Variants in ZMAT4 observed in about 807,000 individuals in gnomAD.
The protein encoded by ZMAT4 is zinc finger matrin-type 4, also known as zinc finger matrin-type protein 4.
ZMAT4 carries 17 observed loss-of-function variants against 28.7 expected under a neutral mutation model. The observed-to-expected ratio is 0.59, with a 90% CI of 0.41 to 0.89. The LOEUF is 0.89. Among genes scored for constraint, ZMAT4 ranks in the 40% least tolerant of loss-of-function variants. The probability of loss-of-function intolerance (pLI) is 0.00; values close to 1 mark genes in which losing one functional copy is unlikely to be tolerated. For synonymous variants in ZMAT4, 117 were observed against 109.2 expected, an observed-to-expected ratio of 1.07 and a Z score of -0.44; for missense variants, 240 against 283.8, an observed-to-expected ratio of 0.85 and a Z score of 1.11.
intron 5 of ZMAT4, among the ~76,000 whole-genome samples, chr8:40,665,826 C>A (rs898991395): frequency 6.6e-6 from 1 of 152,080 alleles, no homozygotes; most frequent in Admixed American, 6.5e-5. Flanking sequence ...AGTCACTTCA[C>A]GTCTCTGGGC....
In ZMAT4 at chr8:40,697,246, T is replaced by G. The variant is rs1370739259; in HGVS notation, c.348A>C (p.Thr116=). Residue 116 remains threonine, a splice_region_variant and synonymous_variant, in exon 4 of 7, where the codon ACA becomes ACC. Coordinates refer to ENST00000297737, the MANE Select transcript of ZMAT4 (RefSeq NM_024645.3). The part of the protein sequence containing the change: ...LLGEKTPLKT[T]ATPLSPLKPP... Reference sequence around the variant, plus strand: ...CACGATCACTGTTCCTGCACGTACCTGTGGTCTTTAATGGGGTCTTCTCTC... The same window carrying G: ...CACGATCACTGTTCCTGCACGTACCGGTGGTCTTTAATGGGGTCTTCTCTC... The G allele has an allele frequency of 6.8e-6, 11 of 1,606,940 alleles. No homozygotes were observed. Among genetic ancestry groups the G allele is most frequent in the Non-Finnish European group, 9.4e-6 (11 of 1,176,468 alleles).
chr8:40,707,695 T>C (rs967987433), intron 3 of ZMAT4, among the ~76,000 whole-genome samples: 1 of 152,194 alleles, frequency 6.6e-6, no homozygotes, highest in African/African-American at 2.4e-5. Flanking sequence ...TGTAATCAAA[T>C]GGTTTAAAAG....
At chr8:40,751,351 G>T (rs1812444847) in intron 3 of ZMAT4, among the ~76,000 whole-genome samples, 1 of 152,096 alleles carries the variant, frequency 6.6e-6, no homozygotes, top group Admixed American at 6.5e-5. Flanking sequence ...GGCAGAAGGG[G>T]AAGTAGGTGT....
At chr8:40,787,965 C>A (rs977230776) in intron 2 of ZMAT4, among the ~76,000 whole-genome samples, 1 of 151,964 alleles carries the variant, frequency 6.6e-6, no homozygotes, top group African/African-American at 2.4e-5. Context: ...ATAAATTAAT[C>A]CTCATGAAAG....
At chr8:40,808,684 G>T in intron 2 of ZMAT4, 1 of 324,208 alleles carries the variant, frequency 3.1e-6, no homozygotes, top group Admixed American at 3.8e-5. Flanking sequence ...AAGAAAGAGA[G>T]GGAAAGAGCA....
intron 1 of ZMAT4, among the ~76,000 whole-genome samples, chr8:40,846,451 G>A (rs1298598579): frequency 1.3e-5 from 2 of 152,234 alleles, no homozygotes; most frequent in South Asian, 2.1e-4. Context: ...TGAAGCTGCC[G>A]CGGAGCTGCC....
At chr8:40,801,371 T>TAC (rs1554559781) in intron 2 of ZMAT4, among the ~76,000 whole-genome samples, 15 of 144,860 alleles carry the variant, frequency 1.0e-4, no homozygotes, top group African/African-American at 2.1e-4. Context: ...TATATATATA[T>TAC]ACATATATAT....
intron 1 of ZMAT4, among the ~76,000 whole-genome samples, chr8:40,869,836 C>T (rs944162074): frequency 2.6e-5 from 4 of 152,154 alleles, no homozygotes; most frequent in African/African-American, 4.8e-5. Context: ...AGCAGGGCAC[C>T]GATCCGCCTT....
chr8:40,854,945 A>G (rs895409199), intron 1 of ZMAT4, among the ~76,000 whole-genome samples: 1 of 152,160 alleles, frequency 6.6e-6, no homozygotes, highest in Non-Finnish European at 1.5e-5. Context: ...ACACACACAC[A>G]CGCAGAAAAA....
At chr8:40,862,597 A>AAG (rs1554572633) in intron 1 of ZMAT4, among the ~76,000 whole-genome samples, 357 of 145,700 alleles carry the variant, frequency 2.5e-3, no homozygotes, top group South Asian at 4.1e-3. Flanking sequence ...AAAAAAAAAA[A>AAG]AAAGAAAATT....
chr8:40,780,760 TACC>T (rs1813793767), intron 2 of ZMAT4, among the ~76,000 whole-genome samples: 2 of 152,216 alleles, frequency 1.3e-5, no homozygotes, highest in Non-Finnish European at 2.9e-5. Context: ...TAATGTAATG[TACC>T]ACATTTATAG....
chr8:40,777,159 C>T (rs777814188), intron 2 of ZMAT4, among the ~76,000 whole-genome samples: 2 of 152,014 alleles, frequency 1.3e-5, no homozygotes, highest in African/African-American at 2.4e-5. Flanking sequence ...GGAAGGATAA[C>T]AGGGATAGCA....
intron 3 of ZMAT4, among the ~76,000 whole-genome samples, chr8:40,709,737 A>G (rs1810518905): frequency 6.6e-6 from 1 of 152,186 alleles, no homozygotes; most frequent in Non-Finnish European, 1.5e-5. Context: ...AGACATTGAT[A>G]TAAGAATTGG....
chr8:40,532,367 C>G (rs1802717671), intron 6 of ZMAT4, 129 bp from the exon 7 acceptor site: 1 of 656,140 alleles, frequency 1.5e-6, no homozygotes, highest in African/African-American at 1.9e-5. Flanking sequence ...TCAAATGCAT[C>G]TGAATTTGTA....
At chr8:40,856,988 T>A (rs1481650977) in intron 1 of ZMAT4, among the ~76,000 whole-genome samples, 2 of 152,136 alleles carry the variant, frequency 1.3e-5, no homozygotes, top group Non-Finnish European at 2.9e-5. Context: ...ACTAAAGTCA[T>A]AAATAATTAA....
At chr8:40,819,375 G>A (rs1216809036) in intron 2 of ZMAT4, among the ~76,000 whole-genome samples, 1 of 152,132 alleles carries the variant, frequency 6.6e-6, no homozygotes, top group African/African-American at 2.4e-5. Flanking sequence ...ACAGACCAAT[G>A]CTCAATGTAT....
At position 40,636,457 on chromosome 8, in the gene ZMAT4, C is replaced by A. The variant is rs532112713; in HGVS notation, c.577+38247G>T. On this transcript the variant is annotated intron_variant, in intron 5 of 6. Transcript: ENST00000297737. ...ATTCTGACAAACCCAATCAACATAGCCTTTACAGTGGAGTTTTTTTGGTGT... is the reference window on the plus strand; with the variant it reads ...ATTCTGACAAACCCAATCAACATAGACTTTACAGTGGAGTTTTTTTGGTGT... 1.3e-4 allele frequency among the ~76,000 whole-genome samples: 20 copies of A among 152,288 alleles called. No individual in the cohort carries two copies. In the East Asian group the frequency reaches 2.7e-3, roughly 21 times the overall value.
At chr8:40,540,695 G>A (rs1346545722) in intron 6 of ZMAT4, among the ~76,000 whole-genome samples, 1 of 152,220 alleles carries the variant, frequency 6.6e-6, no homozygotes, top group Non-Finnish European at 1.5e-5. Flanking sequence ...GCTTGCAGCT[G>A]ACATCTGAAG....
intron 1 of ZMAT4, among the ~76,000 whole-genome samples, chr8:40,884,329 G>T (rs1818383088): frequency 6.6e-6 from 1 of 151,904 alleles, no homozygotes; most frequent in Admixed American, 6.6e-5. Context: ...CTGCCCACTG[G>T]CCCATTTCCA....
Sources: gnomAD v4.1 joint callset for allele counts (sites outside exome capture counted in the v4.1 genomes callset) on GRCh38, gnomAD v4.1.1 for gene constraint, MANE v1.5 for transcripts, NCBI Gene and HGNC (gene_info 2026-07-23, HGNC 2026-07-21) for gene names.